TRAPPC9: variants seen among roughly 807,000 people sequenced by gnomAD.
TRAPPC9 encodes the protein trafficking protein particle complex subunit 9, also known as IKK2 binding protein.
TRAPPC9 carries 83 observed loss-of-function variants against 124.0 expected under a neutral mutation model. That is an observed-to-expected ratio of 0.67 (90% CI 0.56 to 0.80). The LOEUF (loss-of-function observed/expected upper bound fraction) is 0.80, where lower values mean the gene tolerates loss of function less well. Ranked by LOEUF, TRAPPC9 falls within the 30% of genes least tolerant of loss-of-function variation. The probability of loss-of-function intolerance (pLI) is 0.00; values close to 1 mark genes in which losing one functional copy is unlikely to be tolerated. For synonymous variants in TRAPPC9, 638 were observed against 617.5 expected (o/e 1.03, Z -0.49); for missense variants, 1,302 against 1,508.3 (o/e 0.86, Z 2.27).
intron 5 of TRAPPC9, among the ~76,000 whole-genome samples, chr8:140,409,724 G>T (rs747107140): frequency 3.7e-4 from 56 of 152,176 alleles, no homozygotes; most frequent in Non-Finnish European, 5.9e-4. Context: ...AAGAATATAT[G>T]TAATATCTTA....
At chr8:140,356,552 G>A (rs775312170) in intron 9 of TRAPPC9, among the ~76,000 whole-genome samples, 4 of 149,720 alleles carry the variant, frequency 2.7e-5, no homozygotes, top group East Asian at 3.9e-4. Context: ...AGAAAAACAC[G>A]ATGCAGCATA....
intron 17 of TRAPPC9, among the ~76,000 whole-genome samples, chr8:140,136,325 C>T (rs2061302748): frequency 6.6e-6 from 1 of 152,158 alleles, no homozygotes; most frequent in Admixed American, 6.5e-5. Flanking sequence ...CAGGAGCCCA[C>T]ACAGGAGGAC....
chr8:140,229,236 G>A (rs565750573), intron 16 of TRAPPC9, among the ~76,000 whole-genome samples: 7 of 141,062 alleles, frequency 5.0e-5, no homozygotes, highest in African/African-American at 1.4e-4. Context: ...AGTCAATTCC[G>A]TATGTTTTCT....
At position 140,410,141 on chromosome 8, in the gene TRAPPC9, CAAAA is replaced by C. The variant is rs61149910; in HGVS notation, c.887-4447_887-4444del. Among the ~76,000 whole-genome samples the C allele has an allele frequency of 6.3e-4, 44 of 70,226 alleles. No homozygotes were observed. In the East Asian group the frequency reaches 0.036, roughly 58 times the overall value. 46.1% of individuals were successfully genotyped at this position (70,226 alleles called of 152,430 possible). A position where few individuals can be genotyped will look rare whatever the true frequency, so the allele number is the denominator to read the frequency against. ...GGGTGAGGGCATGAGACCTTGTCTCCAAAAAAAAAAAAAAAAAAAAAAAAAAAAT... is the reference window on the plus strand; with the variant it reads ...GGGTGAGGGCATGAGACCTTGTCTCCAAAAAAAAAAAAAAAAAAAAAAAAT... On this transcript the variant is annotated intron_variant, in intron 5 of 22. Transcript: ENST00000438773.
chr8:140,411,919 T>C (rs905921897), intron 5 of TRAPPC9, among the ~76,000 whole-genome samples: 5 of 152,156 alleles, frequency 3.3e-5, no homozygotes, highest in African/African-American at 1.2e-4. Context: ...TAAGGAATGA[T>C]GAAGCAAGAA....
intron 17 of TRAPPC9, among the ~76,000 whole-genome samples, chr8:140,171,646 C>T (rs1242667925): frequency 6.6e-6 from 1 of 152,160 alleles, no homozygotes; most frequent in Non-Finnish European, 1.5e-5. Flanking sequence ...CAGCTTCTTC[C>T]ACTCTCGAGC....
chr8:140,422,679 G>A (rs765201688), intron 5 of TRAPPC9, among the ~76,000 whole-genome samples: 16 of 149,472 alleles, frequency 1.1e-4, no homozygotes, highest in African/African-American at 2.5e-4. Flanking sequence ...GCTCGAACCC[G>A]GGTGGCAGGG....
At chr8:140,103,623 A>G (rs2060618032) in intron 17 of TRAPPC9, among the ~76,000 whole-genome samples, 2 of 152,208 alleles carry the variant, frequency 1.3e-5, no homozygotes. Context: ...AAATCTTAGA[A>G]TAGTGCCTAG....
chr8:139,798,799 T>G (rs1195029917), intron 21 of TRAPPC9, among the ~76,000 whole-genome samples: 1 of 152,112 alleles, frequency 6.6e-6, no homozygotes. Context: ...ACCACAAACT[T>G]GGGGGCTTAA....
chr8:139,796,816 A>C (rs1010193222), intron 21 of TRAPPC9, among the ~76,000 whole-genome samples: 2 of 152,200 alleles, frequency 1.3e-5, no homozygotes, highest in African/African-American at 4.8e-5. Context: ...CTTTGTGAGG[A>C]ACTGCTAGAC....
At chr8:140,283,334 G>A (rs528941919) in intron 14 of TRAPPC9, among the ~76,000 whole-genome samples, 2,036 of 114,986 alleles carry the variant, frequency 0.018, 101 homozygotes, top group Admixed American at 0.13. Flanking sequence ...TCGCTCTGTC[G>A]CCCAGGCTGG....
rs563194315 is a variant in TRAPPC9, at chr8:139,859,288, G to A, written c.3055+26591C>T. On this transcript the variant is annotated intron_variant, in intron 21 of 22. Transcript: ENST00000438773. ...CGCAGCACCCAGGAGCTTTTAGGCC[G>A]GCTCCTTTCCTGATCACCAAGCCCA... Among the ~76,000 whole-genome samples the A allele has an allele frequency of 1.5e-3, 227 of 152,050 alleles. 2 individuals carry two copies. In the South Asian group the frequency reaches 0.029, roughly 19 times the overall value.
intron 17 of TRAPPC9, among the ~76,000 whole-genome samples, 191 bp from the exon 18 acceptor site, chr8:140,024,270 C>T (rs960599006): frequency 6.6e-6 from 1 of 152,112 alleles, no homozygotes; most frequent in African/African-American, 2.4e-5. Context: ...ACTCACACCC[C>T]CAGCGGGCAC....
chr8:139,747,302 G>A (rs534579134), intron 21 of TRAPPC9, among the ~76,000 whole-genome samples: 68 of 152,084 alleles, frequency 4.5e-4, no homozygotes, highest in Admixed American at 2.8e-3. Context: ...ACGTGGGCAC[G>A]GTCAGCACCC....
intron 16 of TRAPPC9, among the ~76,000 whole-genome samples, chr8:140,235,842 C>T (rs1320080469): frequency 6.6e-6 from 1 of 152,186 alleles, no homozygotes; most frequent in Non-Finnish European, 1.5e-5. Context: ...AAACCACCCA[C>T]ATGTTCATCA....
At chr8:139,931,889 CT>C in intron 19 of TRAPPC9, 1 of 194,534 alleles carries the variant, frequency 5.1e-6, no homozygotes. Flanking sequence ...TCTATAGCAG[CT>C]GACGATGGCC....
At chr8:139,861,559 C>G (rs1030947118) in intron 21 of TRAPPC9, among the ~76,000 whole-genome samples, 3 of 152,196 alleles carry the variant, frequency 2.0e-5, no homozygotes, top group African/African-American at 7.2e-5. Context: ...GGAAGTTAAA[C>G]TTTAAAATGG....
intron 17 of TRAPPC9, among the ~76,000 whole-genome samples, chr8:140,052,385 C>G (rs532508246): frequency 1.3e-5 from 2 of 152,216 alleles, no homozygotes; most frequent in Admixed American, 6.5e-5. Context: ...GCCTATAATC[C>G]CAGCACTTTG....
At chr8:139,906,821 G>T (rs1475847406) in intron 20 of TRAPPC9, among the ~76,000 whole-genome samples, 3 of 152,286 alleles carry the variant, frequency 2.0e-5, no homozygotes, top group Admixed American at 6.5e-5. Flanking sequence ...ATCCCCAGGG[G>T]CGCTTGCATC....
Sources: allele counts gnomAD v4.1 joint callset (sites outside exome capture counted in the v4.1 genomes callset), GRCh38; gene constraint gnomAD v4.1.1; transcripts MANE v1.5; gene names NCBI Gene and HGNC (gene_info 2026-07-23, HGNC 2026-07-21).